CPO: variants seen among roughly 807,000 people sequenced by gnomAD.
CPO encodes metallocarboxypeptidase C.
Under a neutral mutation model 41.2 loss-of-function variants are expected in CPO, and 43 were observed. That is an observed-to-expected ratio of 1.04 (90% CI 0.82 to 1.35). The LOEUF (loss-of-function observed/expected upper bound fraction) is 1.35. CPO is among the 40% of genes most tolerant of loss of function. The pLI is 0.00. For synonymous variants in CPO, 178 were observed against 162.7 expected, an observed-to-expected ratio of 1.09 and a Z score of -0.72; for missense variants, 408 against 451.7, an observed-to-expected ratio of 0.90 and a Z score of 0.88.
In CPO at chr2:206,962,406, T is replaced by C. The variant is rs1253650026; in HGVS notation, c.575-6T>C. 3.1e-6 allele frequency: 5 copies of C among 1,613,584 alleles called. No homozygotes were observed. Among genetic ancestry groups the C allele is most frequent in the Admixed American group, 1.7e-5 (1 of 60,014 alleles). On this transcript the variant is annotated splice_polypyrimidine_tract_variant and splice_region_variant and intron_variant, in intron 6 of 8. Coordinates refer to ENST00000272852, the MANE Select transcript of CPO (RefSeq NM_173077.3). ...AGCCTTCTTTGTGGTTTCTTCCATATTCTAGGTATTGGTGCCTCTAGAAAC... is the reference window on the plus strand; with the variant it reads ...AGCCTTCTTTGTGGTTTCTTCCATACTCTAGGTATTGGTGCCTCTAGAAAC...
At chr2:206,962,066 C>G (rs565889679) in intron 6 of CPO, among the ~76,000 whole-genome samples, 1 of 147,636 alleles carries the variant, frequency 6.8e-6, no homozygotes, top group African/African-American at 2.5e-5. Context: ...CACCACTGCA[C>G]TCCAGCCTGG....
At chr2:206,956,227 G>A (rs1254973334) in intron 3 of CPO, among the ~76,000 whole-genome samples, 1 of 152,126 alleles carries the variant, frequency 6.6e-6, no homozygotes, top group African/African-American at 2.4e-5. Context: ...AAAATCACCA[G>A]AGAGCTGCCA....
chr2:206,962,657 A>G, intron 7 of CPO, 43 bp downstream of exon 7: 1 of 1,481,892 alleles, frequency 6.7e-7, no homozygotes, highest in Non-Finnish European at 9.4e-7. Context: ...CCTCAGCAAG[A>G]CCTCTGCCTT....
At chr2:206,961,961 G>A (rs181005741) in intron 6 of CPO, among the ~76,000 whole-genome samples, 5 of 151,648 alleles carry the variant, frequency 3.3e-5, no homozygotes, top group South Asian at 4.2e-4. Flanking sequence ...TTAGCCTCGC[G>A]TGGTGGCGGG....
rs1692993387 is a variant in CPO at position 206,939,658 on chromosome 2, G to A, written c.59G>A (p.Gly20Glu). The stretch of plus-strand genomic sequence containing the variant: ...GGGATGCTGGTTCCTGGAGGGCTGG[G>A]ATATGATAGGTGAGTGTAAAGTGGG... ...LLGMLVPGGL[G>E]YDRSLAQHRQ... Residue 20 changes from glycine to glutamate, a missense_variant, in exon 1 of 9, where the codon GGA (glycine) becomes GAA (glutamate). Physicochemically the swap from Gly to Glu is moderately conservative, Grantham distance 98. Transcript: ENST00000272852. 2 of 1,610,486 alleles carry A rather than the reference G, an allele frequency of 1.2e-6. No individual in the cohort carries two copies. The highest frequency in any genetic ancestry group is 1.3e-5 in the African/African-American group (1 of 74,734).
chr2:206,966,951 G>A (rs1222372926), intron 7 of CPO, among the ~76,000 whole-genome samples: 13 of 152,090 alleles, frequency 8.5e-5, no homozygotes, highest in Non-Finnish European at 1.5e-5. Flanking sequence ...ACATCTTAGG[G>A]TTCAGCTGGA....
intron 7 of CPO, among the ~76,000 whole-genome samples, chr2:206,963,221 GAGA>G (rs1693513178): frequency 6.6e-6 from 1 of 152,236 alleles, no homozygotes; most frequent in South Asian, 2.1e-4. Context: ...CAGAATTACT[GAGA>G]AGGACTGGGC....
At chr2:206,967,351 A>ATATC (rs1491129937) in intron 7 of CPO, among the ~76,000 whole-genome samples, 108 of 138,868 alleles carry the variant, frequency 7.8e-4, no homozygotes, top group South Asian at 2.5e-3. Context: ...ATATATATAT[A>ATATC]GATATATAGA....
chr2:206,949,228 T>C (rs1291130789), intron 1 of CPO, among the ~76,000 whole-genome samples: 1 of 152,206 alleles, frequency 6.6e-6, no homozygotes, highest in African/African-American at 2.4e-5. Flanking sequence ...AGAGTACCTA[T>C]CTCAGAGTTT....
chr2:206,958,817 C>T (rs1479566612), intron 4 of CPO, among the ~76,000 whole-genome samples: 2 of 140,232 alleles, frequency 1.4e-5, no homozygotes, highest in African/African-American at 5.3e-5. Flanking sequence ...TCTCAGCTCA[C>T]TGCAACCTCC....
At position 206,967,339 on chromosome 2, in the gene CPO, A is replaced by ATC. The variant is rs1413317805; in HGVS notation, c.778-923_778-922insCT. Among the ~76,000 whole-genome samples, 9 of 80,746 alleles carry ATC rather than the reference A, an allele frequency of 1.1e-4. No individual in the cohort carries two copies. The East Asian group carries it at 2.8e-3, about 25-fold the overall frequency. 53.0% of individuals were successfully genotyped at this position (80,746 alleles called of 152,430 possible). ...CTTCCAGCTCTGAAATGCTATATAT[A>ATC]TATATATATATAGATATATAGATAT... On this transcript the variant is annotated intron_variant, in intron 7 of 8. Transcript: ENST00000272852.
Position 206,962,398 on chromosome 2 carries a change from C to G in CPO, c.575-14C>G, listed in dbSNP as rs373047161. 55 of 1,612,160 alleles carry G rather than the reference C, an allele frequency of 3.4e-5. No homozygotes were observed. The highest frequency in any genetic ancestry group is 4.2e-5 in the Non-Finnish European group (50 of 1,178,374). Reference sequence around the variant, plus strand: ...GATCATGCAGCCTTCTTTGTGGTTTCTTCCATATTCTAGGTATTGGTGCCT... The same window carrying G: ...GATCATGCAGCCTTCTTTGTGGTTTGTTCCATATTCTAGGTATTGGTGCCT... On this transcript the variant is annotated splice_polypyrimidine_tract_variant and intron_variant, in intron 6 of 8. Transcript: ENST00000272852.
intron 2 of CPO, among the ~76,000 whole-genome samples, chr2:206,953,039 C>T (rs1277313255): frequency 6.6e-6 from 1 of 152,174 alleles, no homozygotes; most frequent in Non-Finnish European, 1.5e-5. Flanking sequence ...AATTACCTCC[C>T]ACCAGCTTCC....
intron 1 of CPO, among the ~76,000 whole-genome samples, chr2:206,943,718 G>A (rs7571569): frequency 9.5e-4 from 60 of 63,084 alleles, no homozygotes; most frequent in East Asian, 2.4e-3. Context: ...ATAGATAGAT[G>A]ATGGATAGAT....
intron 1 of CPO, among the ~76,000 whole-genome samples, chr2:206,946,973 T>C (rs1693156403): frequency 2.0e-5 from 3 of 152,272 alleles, no homozygotes; most frequent in South Asian, 4.1e-4. Flanking sequence ...ACTAAATAAA[T>C]GGAAAGTCCA....
rs1449855800 is a variant in CPO at position 206,949,617 on chromosome 2, A to C, written c.69A>C (p.Arg23Ser). Reference sequence around the variant, plus strand: ...TCCTCTTACTTTCTTCCCTTTGCAGATCCTTAGCCCAACACAGACAAGAGA... The same window carrying C: ...TCCTCTTACTTTCTTCCCTTTGCAGCTCCTTAGCCCAACACAGACAAGAGA... ...MLVPGGLGYDRSLAQHRQEIV... is the reference protein window; with the variant it reads ...MLVPGGLGYDSSLAQHRQEIV... The change falls in exon 2 of 9, where the codon AGA becomes AGC. Residue 23 changes from arginine (R) to serine (S), a missense_variant and splice_region_variant. Transcript: ENST00000272852. The C allele has an allele frequency of 6.2e-7, 1 of 1,612,018 alleles. No homozygotes were observed. Among genetic ancestry groups the C allele is most frequent in the East Asian group, 2.2e-5 (1 of 44,842 alleles).
chr2:206,942,698 A>G (rs1693052080), intron 1 of CPO, among the ~76,000 whole-genome samples: 1 of 152,160 alleles, frequency 6.6e-6, no homozygotes, highest in Non-Finnish European at 1.5e-5. Flanking sequence ...TCATTTGATC[A>G]GTGAGATGAG....
In CPO at chr2:206,949,674, G is replaced by A; in HGVS notation, c.126G>A (p.Leu42=). 6.2e-7 allele frequency: 1 copy of A among 1,613,328 alleles called. No individual in the cohort carries two copies. The highest frequency in any genetic ancestry group is 1.7e-4 in the Middle Eastern group (1 of 6,058). The change falls in exon 2 of 9, where the codon CTG becomes CTA. Residue 42 remains leucine (L), a synonymous_variant. Transcript: ENST00000272852. ...ACAAGTCAGTGAGTCCATGGAGCCT[G>A]GAGACGTATTCCTATAACATATACC... is the stretch of plus-strand genomic sequence containing the variant. ...IVDKSVSPWS[L]ETYSYNIYHP...
rs752377148 is a variant in CPO at position 206,958,728 on chromosome 2, GTTTTTTT to G, written c.372+347_372+353del. ...CTAATAGTATTTGGCAAATTTTCTA[GTTTTTTT>G]TTTTTTTTTTTTTTTTTTTTTTTAA... On this transcript the variant is annotated intron_variant, in intron 4 of 8. Transcript: ENST00000272852. 1.7e-3 allele frequency among the ~76,000 whole-genome samples: 91 copies of G among 53,338 alleles called. 1 individual carries two copies. Among genetic ancestry groups the G allele is most frequent in the Non-Finnish European group, 4.9e-4 (14 of 28,298 alleles). 35.0% of individuals were successfully genotyped at this position (53,338 alleles called of 152,430 possible). A position where few individuals can be genotyped will look rare whatever the true frequency, so the allele number is the denominator to read the frequency against.
Sources: allele counts gnomAD v4.1 joint callset (sites outside exome capture counted in the v4.1 genomes callset), GRCh38; gene constraint gnomAD v4.1.1; transcripts MANE v1.5; gene names NCBI Gene and HGNC (gene_info 2026-07-23, HGNC 2026-07-21).